Variants in BPTF observed in about 807,000 individuals in gnomAD.
BPTF encodes nucleosome-remodeling factor subunit BPTF.
BPTF carries 18 observed loss-of-function variants against 292.5 expected under a neutral mutation model. That is an observed-to-expected ratio of 0.06 (90% CI 0.04 to 0.09). BPTF has a LOEUF of 0.09. Ranked by LOEUF, BPTF falls within the 10% of genes least tolerant of loss-of-function variation. BPTF has a pLI of 1.00. For synonymous variants in BPTF, 1,225 were observed against 1,251.9 expected (o/e 0.98, Z 0.45); for missense variants, 2,726 against 3,498.7 (o/e 0.78, Z 5.57).
intron 13 of BPTF, among the ~76,000 whole-genome samples, chr17:67,920,603 C>T (rs765387659): frequency 1.3e-5 from 2 of 152,162 alleles, no homozygotes; most frequent in Non-Finnish European, 1.5e-5. Context: ...TTATAGAGCA[C>T]CAGTACAATA....
chr17:67,943,065 G>C (rs1386412848), intron 19 of BPTF, among the ~76,000 whole-genome samples: 1 of 152,116 alleles, frequency 6.6e-6, no homozygotes, highest in Non-Finnish European at 1.5e-5. Context: ...AAGTAGTAAT[G>C]AAATACAGTG....
chr17:67,861,845 T>C (rs2145298173), intron 2 of BPTF, among the ~76,000 whole-genome samples: 1 of 152,346 alleles, frequency 6.6e-6, no homozygotes, highest in East Asian at 1.9e-4. Context: ...TAGCTCATTC[T>C]TGAGGTCTCA....
chr17:67,921,345 C>G (rs1425057409), intron 13 of BPTF, among the ~76,000 whole-genome samples: 1 of 149,590 alleles, frequency 6.7e-6, no homozygotes, highest in East Asian at 2.0e-4. Flanking sequence ...GCCAACATAG[C>G]AAAACCCCAT....
At chr17:67,835,801 G>T (rs2144101023) in intron 1 of BPTF, among the ~76,000 whole-genome samples, 1 of 152,200 alleles carries the variant, frequency 6.6e-6, no homozygotes, top group East Asian at 1.9e-4. Context: ...AAGTAGCTGG[G>T]ACTACAGGCA....
chr17:67,959,657 A>AGCCCCTCCAGCCCCTCCC lies in BPTF; in HGVS notation c.8052_8053insGCCCCTCCCGCCCCTCCA (p.Ala2679_Pro2684dup). ...TGACACCAGCTCCTCCAGCCCCTCC[A>AGCCCCTCCAGCCCCTCCC]GCCCCTCCACCTTCACCTCCCCCTC... On this transcript the variant is annotated inframe_insertion, in exon 24 of 28. Coordinates refer to ENST00000306378, the MANE Select transcript of BPTF (RefSeq NM_182641.4). The AGCCCCTCCAGCCCCTCCC allele has an allele frequency of 1.3e-6, 2 of 1,566,072 alleles. No individual in the cohort carries two copies. The highest frequency in any genetic ancestry group is 1.7e-6 in the Non-Finnish European group (2 of 1,156,024).
rs552165061 is a variant in BPTF at position 67,839,952 on chromosome 17, G to GT, written c.613+13625dup. ...TCCTCCCTAGTACTTGATATTGTCAGTTTTTTTTTTAAAAGACACCTTAAT... is the reference window on the plus strand; with the variant it reads ...TCCTCCCTAGTACTTGATATTGTCAGTTTTTTTTTTTAAAAGACACCTTAAT... On this transcript the variant is annotated intron_variant, in intron 1 of 27. Coordinates refer to ENST00000306378, the MANE Select transcript of BPTF (RefSeq NM_182641.4). 1.4e-3 allele frequency among the ~76,000 whole-genome samples: 205 copies of GT among 149,046 alleles called. 4 individuals carry two copies. In the South Asian group the frequency reaches 0.025, roughly 18 times the overall value.
chr17:67,827,722 G>C (rs2056223480), intron 1 of BPTF, among the ~76,000 whole-genome samples: 1 of 152,098 alleles, frequency 6.6e-6, no homozygotes, highest in South Asian at 2.1e-4. Flanking sequence ...TGGAGAAGTA[G>C]GGTAGTATTA....
intron 9 of BPTF, among the ~76,000 whole-genome samples, chr17:67,908,645 A>G (rs1235061860): frequency 6.6e-6 from 1 of 151,232 alleles, no homozygotes; most frequent in East Asian, 2.0e-4. Context: ...GCACGCCACC[A>G]TGCCTGGCTA....
chr17:67,837,340 T>C (rs1316567731), intron 1 of BPTF, among the ~76,000 whole-genome samples: 5 of 152,162 alleles, frequency 3.3e-5, no homozygotes, highest in African/African-American at 1.2e-4. Context: ...GTGTGTACCA[T>C]TTAAAAGTCT....
chr17:67,834,530 G>A (rs555593187), intron 1 of BPTF, among the ~76,000 whole-genome samples: 1 of 152,090 alleles, frequency 6.6e-6, no homozygotes, highest in Admixed American at 6.5e-5. Flanking sequence ...TGAAGGATTT[G>A]TCTGTTTCTC....
rs546111324 is a variant in BPTF at position 67,966,856 on chromosome 17, C to A, written c.8539+200C>A. On this transcript the variant is annotated intron_variant, in intron 26 of 27. Coordinates refer to ENST00000306378, the MANE Select transcript of BPTF (RefSeq NM_182641.4). ...GTGGCTCACGCCTGTAATCCCAGCACTTTGGGAGGCCGAGACAGGCGGATC... is the reference window on the plus strand; with the variant it reads ...GTGGCTCACGCCTGTAATCCCAGCAATTTGGGAGGCCGAGACAGGCGGATC... Among the ~76,000 whole-genome samples the A allele has an allele frequency of 9.0e-4, 137 of 152,182 alleles. 1 individual carries two copies. The highest frequency in any genetic ancestry group is 3.0e-3 in the African/African-American group (124 of 41,520).
chr17:67,969,266 G>A (rs1423608538), intron 26 of BPTF, among the ~76,000 whole-genome samples: 1 of 150,960 alleles, frequency 6.6e-6, no homozygotes, highest in African/African-American at 2.5e-5. Flanking sequence ...GGCCAACATG[G>A]TGAAACCTCA....
intron 8 of BPTF, among the ~76,000 whole-genome samples, chr17:67,904,448 T>C (rs2062045076): frequency 6.6e-6 from 1 of 152,250 alleles, no homozygotes; most frequent in Non-Finnish European, 1.5e-5. Flanking sequence ...TTTGTTGAAA[T>C]TGTTATAAAA....
At position 67,913,195 on chromosome 17, in the gene BPTF, C is replaced by T; in HGVS notation, c.5303+8C>T. ...CTTTGGCATCACTTGGAGGTATGTA[C>T]TTTAAAATGTATTTGGGGGAGGGAG... On this transcript the variant is annotated splice_region_variant and intron_variant, in intron 11 of 27. Transcript: ENST00000306378. 1.9e-6 allele frequency: 3 copies of T among 1,559,816 alleles called. No individual in the cohort carries two copies. The highest frequency in any genetic ancestry group is 1.7e-6 in the Non-Finnish European group (2 of 1,158,178).
chr17:67,976,714 A>AAAAAAAAAAAAG (rs1555694156), intron 27 of BPTF, among the ~76,000 whole-genome samples: 6 of 116,588 alleles, frequency 5.1e-5, no homozygotes, highest in African/African-American at 1.8e-4. Context: ...AAAAAAAAAA[A>AAAAAAAAAAAAG]ATAAGAATAA....
chr17:67,976,714 A>AAAAAAG lies in BPTF; in HGVS notation c.8726+757_8726+758insAAAAGA, dbSNP rs1555694156. On this transcript the variant is annotated intron_variant, in intron 27 of 27. Coordinates refer to ENST00000306378, the MANE Select transcript of BPTF (RefSeq NM_182641.4). Reference sequence around the variant, plus strand: ...AAAAAAAAAAAAAAAAAAAAAAAAAAATAAGAATAAAAGAAGAATTTCCTG... The same window carrying AAAAAAG: ...AAAAAAAAAAAAAAAAAAAAAAAAAAAAAAAGATAAGAATAAAAGAAGAATTTCCTG... Among the ~76,000 whole-genome samples the AAAAAAG allele has an allele frequency of 2.1e-3, 247 of 116,524 alleles. 7 individuals are homozygous for AAAAAAG. Among genetic ancestry groups the AAAAAAG allele is most frequent in the African/African-American group, 8.0e-3 (225 of 28,106 alleles). The allele number at this position is 116,524 out of a possible 152,430, so 76.4% of individuals were successfully genotyped here.
intron 2 of BPTF, among the ~76,000 whole-genome samples, chr17:67,861,675 A>G (rs1336004912): frequency 6.6e-6 from 1 of 152,200 alleles, no homozygotes; most frequent in Non-Finnish European, 1.5e-5. Context: ...CCTAAGTTGA[A>G]AAACCTTTTA....
At chr17:67,918,168 T>C (rs540058342) in intron 11 of BPTF, among the ~76,000 whole-genome samples, 17 of 150,862 alleles carry the variant, frequency 1.1e-4, no homozygotes, top group African/African-American at 4.1e-4. Flanking sequence ...ACTCCTGACC[T>C]CAGGTGATCT....
chr17:67,970,124 T>G (rs545730924), intron 26 of BPTF, among the ~76,000 whole-genome samples: 3 of 151,714 alleles, frequency 2.0e-5, no homozygotes, highest in Non-Finnish European at 4.4e-5. Context: ...TCCCAGCTAC[T>G]TAGGAGGCTG....
Sources: gnomAD v4.1 joint callset for allele counts (sites outside exome capture counted in the v4.1 genomes callset) on GRCh38, gnomAD v4.1.1 for gene constraint, MANE v1.5 for transcripts, NCBI Gene and HGNC (gene_info 2026-07-23, HGNC 2026-07-21) for gene names.